The following MPP4 variants were observed in gnomAD, a reference collection of about 807,000 sequenced individuals.
MPP4 encodes the protein MAGUK p55 scaffold protein 4.
MPP4 carries 91 observed loss-of-function variants against 98.3 expected under a neutral mutation model. That is an observed-to-expected ratio of 0.93 (90% CI 0.78 to 1.10). The LOEUF (loss-of-function observed/expected upper bound fraction) is 1.10, where lower values mean the gene tolerates loss of function less well. Ranked by LOEUF, MPP4 falls within the 50% of genes least tolerant of loss-of-function variation. The pLI is 0.00. For missense variants in MPP4, 744 were observed against 792.9 expected (o/e 0.94, Z 0.74); for synonymous variants, 261 against 271.8 (o/e 0.96, Z 0.39).
At position 201,649,658 on chromosome 2, in the gene MPP4, C is replaced by A. The variant is rs550748540; in HGVS notation, c.1502G>T (p.Gly501Val). The A allele has an allele frequency of 2.5e-6, 4 of 1,610,416 alleles. No homozygotes were observed. In the East Asian group the frequency reaches 8.9e-5, roughly 36 times the overall value. ...HRMLEYGEYKGHLYGTSVDAV... is the reference protein window; with the variant it reads ...HRMLEYGEYKVHLYGTSVDAV... ...ATCCACACTAGTGCCATACAGGTGG[C>A]CTTTGTACTCACCATACTCCAGCAT... Residue 501 changes from glycine to valine, a missense_variant, in exon 20 of 22, where the codon GGC (glycine) becomes GTC (valine). Gly to Val is a moderately radical substitution (Grantham distance 109). Coordinates refer to ENST00000409474, the MANE Select transcript of MPP4 (RefSeq NM_033066.3).
At chr2:201,646,144 G>C (rs771721188) in intron 21 of MPP4, among the ~76,000 whole-genome samples, 2 of 152,012 alleles carry the variant, frequency 1.3e-5, no homozygotes, top group African/African-American at 4.8e-5. Context: ...TCAACTTCCC[G>C]TGTGAACTTA....
chr2:201,692,717 GC>G (rs1689072595), intron 3 of MPP4, among the ~76,000 whole-genome samples, 190 bp downstream of exon 3: 1 of 152,134 alleles, frequency 6.6e-6, no homozygotes, highest in Non-Finnish European at 1.5e-5. Flanking sequence ...CAGAGAGGGA[GC>G]CCTCAAAAGA....
At position 201,691,505 on chromosome 2, in the gene MPP4, CTTTA is replaced by C. The variant is rs903904331; in HGVS notation, c.202-1230_202-1227del. On this transcript the variant is annotated intron_variant, in intron 3 of 21. Coordinates refer to ENST00000409474, the MANE Select transcript of MPP4 (RefSeq NM_033066.3). Reference sequence around the variant, plus strand: ...TTTAGCCAAATTAAAAAAGAATAAACTTTATTTATTCTATTTTATTTATTTATTT... The same window carrying C: ...TTTAGCCAAATTAAAAAAGAATAAACTTTATTCTATTTTATTTATTTATTT... 1.6e-3 allele frequency among the ~76,000 whole-genome samples: 243 copies of C among 151,996 alleles called. 1 individual carries two copies. The highest frequency in any genetic ancestry group is 5.5e-3 in the African/African-American group (228 of 41,448).
rs2105951508 is a variant in MPP4 at position 201,694,074 on chromosome 2, G to A, written c.-100-20C>T. On this transcript the variant is annotated intron_variant, in intron 1 of 21. Coordinates refer to ENST00000409474, the MANE Select transcript of MPP4 (RefSeq NM_033066.3). The stretch of plus-strand genomic sequence containing the variant: ...AGCACACTGGAATATATTTTCAATA[G>A]CATTTCCTCAGCAAGCCAGGCCCTG... The A allele has an allele frequency of 6.3e-7, 1 of 1,593,172 alleles. No individual in the cohort carries two copies. The highest frequency in any genetic ancestry group is 1.1e-5 in the South Asian group (1 of 88,782).
intron 10 of MPP4, among the ~76,000 whole-genome samples, chr2:201,675,947 T>A (rs937839657): frequency 6.6e-6 from 1 of 152,214 alleles, no homozygotes; most frequent in African/African-American, 2.4e-5. Flanking sequence ...AACTGCAGCA[T>A]CACCTTTACC....
At position 201,666,371 on chromosome 2, in the gene MPP4, T is replaced by G. The variant is rs1471319364; in HGVS notation, c.1014A>C (p.Glu338Asp). The change falls in exon 13 of 22, where the codon GAA (glutamate) becomes GAC (aspartate). Residue 338 changes from glutamate to aspartate, a missense_variant and splice_region_variant. Transcript: ENST00000409474. ...ATTTCTCATCAATCTTCATGTCATC[T>G]TCTATAAAAGAGTATAGAAAGGGAG... ...KSTLSISMEE[E>D]DDMKIDEKCV... is the part of the protein sequence containing the mutation. The G allele has an allele frequency of 2.6e-6, 4 of 1,551,866 alleles. No individual in the cohort carries two copies. The highest frequency in any genetic ancestry group is 3.5e-6 in the Non-Finnish European group (4 of 1,147,978).
chr2:201,684,469 T>C (rs1468005568), intron 7 of MPP4, among the ~76,000 whole-genome samples: 2 of 152,170 alleles, frequency 1.3e-5, no homozygotes, highest in Non-Finnish European at 2.9e-5. Context: ...ATCTATACAA[T>C]GGCATGATAA....
chr2:201,697,055 A>G (rs1574644067), intron 1 of MPP4, among the ~76,000 whole-genome samples: 1 of 152,242 alleles, frequency 6.6e-6, no homozygotes, highest in South Asian at 2.1e-4. Context: ...TAGAGGCCTC[A>G]AGATGTCATT....
At chr2:201,692,134 C>T (rs1415329928) in intron 3 of MPP4, among the ~76,000 whole-genome samples, 1 of 152,120 alleles carries the variant, frequency 6.6e-6, no homozygotes, top group Non-Finnish European at 1.5e-5. Context: ...CTGAGAGTTG[C>T]CTTCTAAGAA....
chr2:201,647,684 C>T lies in MPP4; in HGVS notation c.1719+7G>A. The T allele has an allele frequency of 6.2e-7, 1 of 1,612,788 alleles. No individual in the cohort carries two copies. Among genetic ancestry groups the T allele is most frequent in the South Asian group, 1.1e-5 (1 of 90,984 alleles). ...AAGCAATACAGTAGTTTTTGACTTGCTCTTACCTTGAACTTCATGTCCACA... is the reference window on the plus strand; with the variant it reads ...AAGCAATACAGTAGTTTTTGACTTGTTCTTACCTTGAACTTCATGTCCACA... On this transcript the variant is annotated splice_region_variant and intron_variant, in intron 21 of 21. Transcript: ENST00000409474.
At position 201,651,100 on chromosome 2, in the gene MPP4, C is replaced by T. The variant is rs146873805; in HGVS notation, c.1382-935G>A. 3.2e-4 allele frequency: 315 copies of T among 985,266 alleles called. No individual in the cohort carries two copies. In the African/African-American group the frequency reaches 5.0e-3, roughly 16 times the overall value. 61.0% of individuals were successfully genotyped at this position (985,266 alleles called of 1,614,324 possible). A position where few individuals can be genotyped will look rare whatever the true frequency, so the allele number is the denominator to read the frequency against. ...AAAGCTAGTCCCTTAATCTATATTA[C>T]CATTAGTTCCCCTTATTCATACAGA... On this transcript the variant is annotated intron_variant, in intron 18 of 21. Coordinates refer to ENST00000409474, the MANE Select transcript of MPP4 (RefSeq NM_033066.3).
intron 14 of MPP4, 66 bp from the exon 15 acceptor site, chr2:201,660,412 C>G: frequency 6.4e-7 from 1 of 1,565,426 alleles, no homozygotes; most frequent in South Asian, 1.1e-5. Flanking sequence ...ATCATGTTAG[C>G]CATCAAATCA....
intron 17 of MPP4, among the ~76,000 whole-genome samples, chr2:201,655,273 C>T (rs1687818896): frequency 6.6e-6 from 1 of 152,190 alleles, no homozygotes; most frequent in Non-Finnish European, 1.5e-5. Flanking sequence ...TATCAAGTGA[C>T]AGCCAGAAAC....
At chr2:201,671,051 TC>T (rs1450673932) in intron 11 of MPP4, among the ~76,000 whole-genome samples, 35 of 152,312 alleles carry the variant, frequency 2.3e-4, no homozygotes, top group Middle Eastern at 6.8e-3. Context: ...TTTCCCATGT[TC>T]TTCGCAACCC....
intron 10 of MPP4, among the ~76,000 whole-genome samples, chr2:201,677,711 G>A (rs967429642): frequency 1.3e-5 from 2 of 152,156 alleles, no homozygotes; most frequent in African/African-American, 2.4e-5. Context: ...CATATCTATT[G>A]AATCAGATCC....
intron 21 of MPP4, among the ~76,000 whole-genome samples, chr2:201,646,999 T>A (rs1279334793): frequency 2.0e-5 from 3 of 152,354 alleles, no homozygotes; most frequent in African/African-American, 4.8e-5. Context: ...TTGATGTGGG[T>A]GATGGTTATC....
rs1688818923 is a variant in MPP4, at chr2:201,686,031, T to C, written c.380A>G (p.Asp127Gly). The change falls in exon 6 of 22, where the codon GAC becomes GGC. Residue 127 changes from aspartate to glycine, a missense_variant. Physicochemically the swap from Asp to Gly is moderately conservative, Grantham distance 94. Coordinates refer to ENST00000409474, the MANE Select transcript of MPP4 (RefSeq NM_033066.3). Reference protein sequence around the residue: ...PHFKALLSAHDTIAQKDFEPL... With the variant: ...PHFKALLSAHGTIAQKDFEPL... The stretch of plus-strand genomic sequence containing the variant: ...TTCAAAATCTTTCTGAGCTATCGTG[T>C]CATGGGCACTGAGCAAGGCCTGGGC... 8 of 1,612,096 alleles carry C rather than the reference T, an allele frequency of 5.0e-6. No homozygotes were observed. The highest frequency in any genetic ancestry group is 6.8e-6 in the Non-Finnish European group (8 of 1,178,464).
intron 14 of MPP4, 72 bp from the exon 15 acceptor site, chr2:201,660,418 A>C (rs1687992542): frequency 2.6e-6 from 4 of 1,530,286 alleles, no homozygotes; most frequent in Middle Eastern, 1.7e-4. Context: ...TTAGCCATCA[A>C]ATCAAGGCAA....
chr2:201,658,716 C>T (rs1687928488), intron 15 of MPP4, among the ~76,000 whole-genome samples, 198 bp from the exon 16 acceptor site: 1 of 152,152 alleles, frequency 6.6e-6, no homozygotes, highest in Non-Finnish European at 1.5e-5. Context: ...TATAGGGACG[C>T]ACTTCACAGA....
Sources: allele counts gnomAD v4.1 joint callset (sites outside exome capture counted in the v4.1 genomes callset), GRCh38; gene constraint gnomAD v4.1.1; transcripts MANE v1.5; gene names NCBI Gene and HGNC (gene_info 2026-07-23, HGNC 2026-07-21).